Variants in UGT3A1 observed in about 807,000 individuals in gnomAD.
UGT3A1 encodes the protein UDP glycosyltransferase family 3 member A1.
In UGT3A1, 40 loss-of-function variants were observed where a neutral mutation model predicts 37.6. The observed-to-expected ratio is 1.06, with a 90% confidence interval of 0.83 to 1.38. The LOEUF (loss-of-function observed/expected upper bound fraction) is 1.38. Ranked by LOEUF, UGT3A1 falls within the 40% of genes most tolerant of loss-of-function variation. UGT3A1 has a pLI of 0.00. For missense variants in UGT3A1, 642 were observed against 634.2 expected, an observed-to-expected ratio of 1.01 and a Z score of -0.13; for synonymous variants, 256 against 232.3, an observed-to-expected ratio of 1.10 and a Z score of -0.93.
At chr5:35,985,590 A>G (rs1224690627) in intron 2 of UGT3A1, among the ~76,000 whole-genome samples, 1 of 152,204 alleles carries the variant, frequency 6.6e-6, no homozygotes, top group East Asian at 1.9e-4. Flanking sequence ...GAGGCCAAGA[A>G]CATATAATGA....
chr5:35,996,656 T>G (rs1741103507), intron 2 of UGT3A1, among the ~76,000 whole-genome samples: 2 of 152,200 alleles, frequency 1.3e-5, no homozygotes, highest in African/African-American at 4.8e-5. Context: ...AAGGTGAACT[T>G]TTTTAAGAAT....
At chr5:35,973,780 G>C (rs982052507) in intron 2 of UGT3A1, among the ~76,000 whole-genome samples, 1 of 152,086 alleles carries the variant, frequency 6.6e-6, no homozygotes, top group African/African-American at 2.4e-5. Flanking sequence ...GGATTTAATT[G>C]CATCTTGGGG....
Position 35,954,174 on chromosome 5 carries a change from C to T in UGT3A1, c.*28G>A, listed in dbSNP as rs375070225. On this transcript the variant is annotated 3_prime_UTR_variant, in exon 7 of 7. Coordinates refer to ENST00000274278, the MANE Select transcript of UGT3A1 (RefSeq NM_152404.4). ...GAACCTTCAAAGGACCAGGGATGCC[C>T]TCCCCTCACCCAAGGCTACACCTAG... is the stretch of plus-strand genomic sequence containing the variant. The T allele has an allele frequency of 4.7e-5, 75 of 1,605,026 alleles. No individual in the cohort carries two copies. In the Middle Eastern group the frequency reaches 5.2e-4, roughly 11 times the overall value.
At chr5:35,974,538 C>T (rs1740183278) in intron 2 of UGT3A1, among the ~76,000 whole-genome samples, 1 of 152,194 alleles carries the variant, frequency 6.6e-6, no homozygotes, top group Non-Finnish European at 1.5e-5. Context: ...ATTCCCATCA[C>T]ATCCCTATTC....
intron 2 of UGT3A1, among the ~76,000 whole-genome samples, chr5:35,980,047 A>G (rs1740456541): frequency 6.6e-6 from 1 of 152,228 alleles, no homozygotes; most frequent in African/African-American, 2.4e-5. Flanking sequence ...ATGGGAATTC[A>G]AGATGAGATT....
intron 1 of UGT3A1, among the ~76,000 whole-genome samples, chr5:35,990,104 A>G (rs1740881483): frequency 6.7e-6 from 1 of 148,942 alleles, no homozygotes; most frequent in Non-Finnish European, 1.5e-5. Flanking sequence ...AAAAAAAAAA[A>G]AAAAGAAAGA....
intron 3 of UGT3A1, 123 bp from the exon 4 acceptor site, chr5:35,966,040 A>G: frequency 1.4e-6 from 1 of 739,430 alleles, no homozygotes; most frequent in Non-Finnish European, 2.0e-6. Context: ...CCATCAACCC[A>G]TTCTACAATG....
Position 35,954,001 on chromosome 5 carries a change from T to G in UGT3A1, c.*201A>C. On this transcript the variant is annotated 3_prime_UTR_variant, in exon 7 of 7. Coordinates refer to ENST00000274278, the MANE Select transcript of UGT3A1 (RefSeq NM_152404.4). ...GTGAAAATTTGTATCTGAGCTGGGG[T>G]TTCAAGTCACAAGGGGCAAGTCAAG... 5.4e-5 allele frequency: 30 copies of G among 555,954 alleles called. No individual in the cohort carries two copies. Among genetic ancestry groups the G allele is most frequent in the South Asian group, 1.4e-4 (5 of 34,632 alleles). 34.4% of individuals were successfully genotyped at this position (555,954 alleles called of 1,614,324 possible).
chr5:35,988,278 G>T (rs977059027), intron 2 of UGT3A1, among the ~76,000 whole-genome samples, 172 bp downstream of exon 2: 1 of 152,022 alleles, frequency 6.6e-6, no homozygotes, highest in African/African-American at 2.4e-5. Context: ...TTAGTCTACA[G>T]ACCCAATAAG....
intron 3 of UGT3A1, among the ~76,000 whole-genome samples, chr5:35,967,523 G>T (rs1196694254): frequency 6.6e-6 from 1 of 152,162 alleles, no homozygotes; most frequent in Non-Finnish European, 1.5e-5. Context: ...AAGGTTCAAG[G>T]TGTGAAAAAT....
At chr5:35,979,132 G>A (rs557546157) in intron 2 of UGT3A1, among the ~76,000 whole-genome samples, 15 of 152,152 alleles carry the variant, frequency 9.9e-5, no homozygotes, top group Middle Eastern at 6.8e-3. Context: ...GGTTTCATGG[G>A]CAGCGGTTGA....
chr5:35,974,477 A>G (rs1740180849), intron 2 of UGT3A1, among the ~76,000 whole-genome samples: 1 of 152,180 alleles, frequency 6.6e-6, no homozygotes, highest in Non-Finnish European at 1.5e-5. Flanking sequence ...CTCTACAGAG[A>G]TTTCAAAGAC....
chr5:35,961,621 G>A (rs1739589098), intron 4 of UGT3A1: 1 of 152,154 alleles, frequency 6.6e-6, no homozygotes, highest in African/African-American at 2.4e-5. Context: ...TGTACCCTGG[G>A]AATTCTGGGG....
intron 1 of UGT3A1, among the ~76,000 whole-genome samples, chr5:35,999,832 G>T (rs1580974901): frequency 6.6e-6 from 1 of 152,108 alleles, no homozygotes; most frequent in Non-Finnish European, 1.5e-5. Context: ...AAAATTACAA[G>T]TATGTTTTAG....
intron 4 of UGT3A1, among the ~76,000 whole-genome samples, chr5:35,964,087 T>G (rs1739698592): frequency 1.0e-5 from 1 of 98,746 alleles, no homozygotes; most frequent in South Asian, 4.3e-4. Flanking sequence ...AAGCATACCC[T>G]TAAAAATGGT....
chr5:35,975,921 A>G (rs558991268), intron 2 of UGT3A1, among the ~76,000 whole-genome samples: 40 of 152,276 alleles, frequency 2.6e-4, no homozygotes, highest in African/African-American at 9.6e-4. Context: ...TCTCCAGGAG[A>G]CTATATATGT....
At chr5:35,978,119 C>T (rs1385764755) in intron 2 of UGT3A1, among the ~76,000 whole-genome samples, 1 of 152,146 alleles carries the variant, frequency 6.6e-6, no homozygotes, top group Admixed American at 6.5e-5. Flanking sequence ...CTGCAACCTC[C>T]ACCTCCTGGG....
intron 4 of UGT3A1, chr5:35,962,516 G>A (rs115969291): frequency 0.014 from 2,511 of 178,844 alleles, 66 homozygotes; most frequent in African/African-American, 0.056. Context: ...GTGCCTCTGG[G>A]ATTTGTTTCT....
Position 35,957,356 on chromosome 5 carries a change from T to A in UGT3A1, c.907A>T (p.Met303Leu). ...TCCTGGGACTGATGGGTGTTCAACA[T>A]GGAGCCAAAGGCCACAAGGACAAAC... ...AGFVLVAFGS[M>L]LNTHQSQEVL... Residue 303 changes from methionine to leucine, a missense_variant, in exon 5 of 7, where the codon ATG (methionine) becomes TTG (leucine). By Grantham distance (15) the Met-to-Leu change is conservative. Transcript: ENST00000274278. 1 of 1,614,152 alleles carries A rather than the reference T, an allele frequency of 6.2e-7. No homozygotes were observed. The highest frequency in any genetic ancestry group is 8.5e-7 in the Non-Finnish European group (1 of 1,180,026).
Sources: allele counts gnomAD v4.1 joint callset (sites outside exome capture counted in the v4.1 genomes callset), GRCh38; gene constraint gnomAD v4.1.1; transcripts MANE v1.5; gene names NCBI Gene and HGNC (gene_info 2026-07-23, HGNC 2026-07-21).